The following CREBBP variants were observed in gnomAD, a reference collection of about 807,000 sequenced individuals.
CREBBP encodes the protein CREB-binding protein.
In CREBBP, 19 loss-of-function variants were observed where a neutral mutation model predicts 265.0. The ratio of observed to expected loss-of-function variants is 0.07; its 90% CI spans 0.05 to 0.11. The LOEUF (loss-of-function observed/expected upper bound fraction) is 0.11, where lower values mean the gene tolerates loss of function less well. Ranked by LOEUF, CREBBP falls within the 10% of genes least tolerant of loss-of-function variation. The pLI, the probability that CREBBP is intolerant of heterozygous loss-of-function variation, is 1.00. For missense variants in CREBBP, 2,525 were observed against 3,219.0 expected (o/e 0.78, Z 5.22); for synonymous variants, 1,457 against 1,223.7 (o/e 1.19, Z -3.98).
intron 2 of CREBBP, among the ~76,000 whole-genome samples, chr16:3,849,820 C>T (rs1321185664): frequency 1.3e-5 from 2 of 152,146 alleles, no homozygotes; most frequent in Non-Finnish European, 2.9e-5. Flanking sequence ...GGTGTTTCCT[C>T]TGGGACCCGA....
At chr16:3,767,932 A>C (rs763400439) in intron 15 of CREBBP, 23 bp from the exon 16 acceptor site, 1 of 1,610,524 alleles carries the variant, frequency 6.2e-7, no homozygotes, top group Non-Finnish European at 8.5e-7. Flanking sequence ...ATTACAGATA[A>C]CATATGAATA....
chr16:3,840,314 G>A (rs556257435), intron 2 of CREBBP, among the ~76,000 whole-genome samples: 2 of 152,286 alleles, frequency 1.3e-5, no homozygotes, highest in South Asian at 2.1e-4. Context: ...AGCACTTTGG[G>A]CAGCCAAGAC....
chr16:3,801,697 G>C (rs1208332717), intron 3 of CREBBP, among the ~76,000 whole-genome samples: 1 of 152,152 alleles, frequency 6.6e-6, no homozygotes, highest in African/African-American at 2.4e-5. Context: ...CGGGGTAACA[G>C]TCCCTAGCCT....
chr16:3,835,295 A>C (rs193292596), intron 2 of CREBBP, among the ~76,000 whole-genome samples: 1 of 152,284 alleles, frequency 6.6e-6, no homozygotes, highest in East Asian at 1.9e-4. Context: ...GTTAATAAAT[A>C]ATTTAGTCTT....
intron 2 of CREBBP, among the ~76,000 whole-genome samples, chr16:3,849,442 TGTGTGTGTGTGTG>T (rs2054764400): frequency 3.2e-4 from 6 of 18,670 alleles, no homozygotes; most frequent in African/African-American, 4.4e-4. Context: ...TGTGTGTGTG[TGTGTGTGTGTGTG>T]TGTGTGTGTG....
intron 3 of CREBBP, among the ~76,000 whole-genome samples, chr16:3,797,788 A>T (rs1422579186): frequency 6.6e-6 from 1 of 152,076 alleles, no homozygotes; most frequent in Non-Finnish European, 1.5e-5. Context: ...AAAAAAAAAA[A>T]TTCACATGAA....
At chr16:3,788,148 T>C (rs994624585) in intron 5 of CREBBP, among the ~76,000 whole-genome samples, 4 of 152,280 alleles carry the variant, frequency 2.6e-5, no homozygotes, top group Admixed American at 6.5e-5. Context: ...GCACACTTGC[T>C]TCAACAGTCC....
At chr16:3,811,579 C>A (rs1188503134) in intron 2 of CREBBP, among the ~76,000 whole-genome samples, 5 of 152,226 alleles carry the variant, frequency 3.3e-5, no homozygotes, top group Non-Finnish European at 7.3e-5. Flanking sequence ...CCAACCTCTA[C>A]CGCCTGGGTT....
intron 16 of CREBBP, among the ~76,000 whole-genome samples, chr16:3,762,361 CTTTT>C (rs35125490): frequency 5.9e-5 from 7 of 118,690 alleles, no homozygotes; most frequent in African/African-American, 9.6e-5. Flanking sequence ...ATTTTCTTTC[CTTTT>C]TTTTTTTTTT....
chr16:3,772,275 A>G (rs1025831352), intron 13 of CREBBP, among the ~76,000 whole-genome samples: 1 of 151,414 alleles, frequency 6.6e-6, no homozygotes, highest in Non-Finnish European at 1.5e-5. Flanking sequence ...ATATACATCC[A>G]TAAGTACCCT....
At chr16:3,804,099 C>T (rs1410918841) in intron 3 of CREBBP, among the ~76,000 whole-genome samples, 1 of 151,416 alleles carries the variant, frequency 6.6e-6, no homozygotes, top group Non-Finnish European at 1.5e-5. Flanking sequence ...AAAAATCACC[C>T]GACCAACCAA....
intron 30 of CREBBP, 126 bp from the exon 31 acceptor site, chr16:3,730,000 C>T: frequency 6.7e-7 from 1 of 1,489,304 alleles, no homozygotes; most frequent in East Asian, 2.4e-5. Flanking sequence ...ATAGGAGACC[C>T]AGACAGGATG....
chr16:3,751,634 A>G (rs781038581), intron 20 of CREBBP, 92 bp downstream of exon 20: 13 of 1,264,410 alleles, frequency 1.0e-5, no homozygotes, highest in Non-Finnish European at 1.5e-5. Context: ...TCAAAATGGC[A>G]CCGGTACCTT....
chr16:3,770,414 T>C (rs987047160), intron 14 of CREBBP, among the ~76,000 whole-genome samples, 156 bp downstream of exon 14: 6 of 151,952 alleles, frequency 3.9e-5, no homozygotes, highest in Non-Finnish European at 8.8e-5. Context: ...CAGGATGGTC[T>C]TGAACTCATG....
chr16:3,836,909 G>A (rs2054463781), intron 2 of CREBBP, among the ~76,000 whole-genome samples: 1 of 152,204 alleles, frequency 6.6e-6, no homozygotes, highest in South Asian at 2.1e-4. Context: ...TTACTCAGGT[G>A]TCTGTGATGC....
intron 3 of CREBBP, among the ~76,000 whole-genome samples, chr16:3,794,520 T>C (rs545069302): frequency 6.6e-6 from 1 of 152,256 alleles, no homozygotes; most frequent in East Asian, 1.9e-4. Flanking sequence ...AAAAGAATAA[T>C]GACAGTTAGC....
At chr16:3,816,948 C>T (rs1359742026) in intron 2 of CREBBP, among the ~76,000 whole-genome samples, 1 of 152,180 alleles carries the variant, frequency 6.6e-6, no homozygotes, top group East Asian at 1.9e-4. Flanking sequence ...CAAAGAGGGT[C>T]AGCAATGGCT....
intron 3 of CREBBP, among the ~76,000 whole-genome samples, chr16:3,808,156 A>AC (rs1196840704): frequency 3.4e-5 from 1 of 29,676 alleles, no homozygotes; most frequent in African/African-American, 1.2e-4. Flanking sequence ...GGATGAAAGA[A>AC]GGGGGGGGCA....
intron 17 of CREBBP, 82 bp from the exon 18 acceptor site, chr16:3,758,130 A>G (rs2151384501): frequency 6.8e-7 from 1 of 1,474,780 alleles, no homozygotes; most frequent in Non-Finnish European, 9.3e-7. Flanking sequence ...TTGTTTTAAA[A>G]TAATAGAAAC....
Sources: allele counts gnomAD v4.1 joint callset (sites outside exome capture counted in the v4.1 genomes callset), GRCh38; gene constraint gnomAD v4.1.1; transcripts MANE v1.5; gene names NCBI Gene and HGNC (gene_info 2026-07-23, HGNC 2026-07-21).